IGSF22: variants seen among roughly 807,000 people sequenced by gnomAD.
IGSF22 encodes the protein immunoglobulin superfamily member 22.
A neutral mutation model predicts 127.0 loss-of-function variants in IGSF22; 119 were observed. That is an observed-to-expected ratio of 0.94 (90% CI 0.81 to 1.09). IGSF22 has a LOEUF of 1.09. Ranked by LOEUF, IGSF22 falls within the 50% of genes least tolerant of loss-of-function variation. The probability of loss-of-function intolerance (pLI) is 0.00; values close to 1 mark genes in which losing one functional copy is unlikely to be tolerated. For missense variants in IGSF22, 1,518 were observed against 1,716.6 expected, an observed-to-expected ratio of 0.88 and a Z score of 2.04; for synonymous variants, 568 against 664.7, an observed-to-expected ratio of 0.85 and a Z score of 2.24.
Position 18,715,628 on chromosome 11 carries a change from C to T in IGSF22, c.1335G>A (p.Lys445=). 1 of 1,614,098 alleles carries T rather than the reference C, an allele frequency of 6.2e-7. No homozygotes were observed. Among genetic ancestry groups the T allele is most frequent in the South Asian group, 1.1e-5 (1 of 91,084 alleles). Residue 445 remains lysine, a synonymous_variant, in exon 11 of 23, where the codon AAG becomes AAA. Transcript: ENST00000513874. ...CCTTCTTCCAGCGCAGTGTCACATC[C>T]TTGGATGTCAGCTCACACTCCAGGC... ...RACLECELTS[K]DVTLRWKKDG...
Position 18,710,750 on chromosome 11 carries a change from G to A in IGSF22, c.2477C>T (p.Thr826Ile). ...GAGCACTGGGGCTCCCCCATCCTGG[G>A]TAGGGGCATTCCACGTGATGGTCAC... ...EAVTITWNAP[T>I]QDGGAPVLGY... is the part of the protein sequence containing the mutation. The change falls in exon 16 of 23, where the codon ACC (threonine) becomes ATC (isoleucine). Residue 826 changes from threonine to isoleucine, a missense_variant. Thr to Ile is a moderately conservative substitution (Grantham distance 89). This residue lies in a region of IGSF22 where 1,456 missense variants were observed against 1,644.9 expected (regional missense o/e 0.89). Coordinates refer to ENST00000513874, the MANE Select transcript of IGSF22 (RefSeq NM_173588.4). The A allele has an allele frequency of 6.2e-7, 1 of 1,614,164 alleles. No individual in the cohort carries two copies. The highest frequency in any genetic ancestry group is 1.1e-5 in the South Asian group (1 of 91,086).
chr11:18,720,420 G>A, intron 4 of IGSF22, 135 bp from the exon 5 acceptor site: 2 of 639,130 alleles, frequency 3.1e-6, no homozygotes, highest in South Asian at 1.9e-5. Flanking sequence ...GTGGAGGATT[G>A]AGCAGCCTGT....
chr11:18,710,526 G>C, intron 16 of IGSF22, 71 bp from the exon 17 acceptor site: 2 of 1,599,644 alleles, frequency 1.3e-6, no homozygotes, highest in Non-Finnish European at 1.7e-6. Flanking sequence ...GAGAGACATA[G>C]AAGAGGAGGT....
chr11:18,724,365 G>A (rs1848619665), intron 1 of IGSF22, 96 bp from the exon 2 acceptor site: 1 of 637,870 alleles, frequency 1.6e-6, no homozygotes, highest in Non-Finnish European at 2.8e-6. Flanking sequence ...GGAGATGGAA[G>A]CACACAGGAG....
rs780993190 is a variant in IGSF22, at chr11:18,714,414, G to A, written c.1661C>T (p.Thr554Met). The A allele has an allele frequency of 8.7e-6, 14 of 1,614,018 alleles. No individual in the cohort carries two copies. Among genetic ancestry groups the A allele is most frequent in the East Asian group, 4.5e-5 (2 of 44,880 alleles). The change falls in exon 13 of 23, where the codon ACG (threonine) becomes ATG (methionine). Residue 554 changes from threonine (T) to methionine (M), a missense_variant. Coordinates refer to ENST00000513874, the MANE Select transcript of IGSF22 (RefSeq NM_173588.4). ...CACAATCTGCATGCCTGGCAAGTCCGTGATCTGGGGGTCAGGGGTGGGCCT... is the reference window on the plus strand; with the variant it reads ...CACAATCTGCATGCCTGGCAAGTCCATGATCTGGGGGTCAGGGGTGGGCCT... ...GVWLKDGKEI[T>M]DLPGMQIVKQ...
At chr11:18,723,963 C>A (rs775518567) in intron 2 of IGSF22, among the ~76,000 whole-genome samples, 165 bp downstream of exon 2, 2 of 152,236 alleles carry the variant, frequency 1.3e-5, no homozygotes, top group African/African-American at 2.4e-5. Flanking sequence ...CTGGCTGAAG[C>A]TTTAACAAAG....
rs1275705978 is a variant in IGSF22 at position 18,714,501 on chromosome 11, T to G, written c.1655A>C (p.Glu552Ala). ...VEGVWLKDGK[E>A]ITDLPGMQIV... Reference sequence around the variant, plus strand: ...CCTTCCCTGGCCTCTGCTTCAGACCTCCTTGCCATCCTTCAGCCACACACC... The same window carrying G: ...CCTTCCCTGGCCTCTGCTTCAGACCGCCTTGCCATCCTTCAGCCACACACC... Residue 552 changes from glutamate (E) to alanine (A), a missense_variant and splice_region_variant, in exon 12 of 23, where the codon GAG becomes GCG. Coordinates refer to ENST00000513874, the MANE Select transcript of IGSF22 (RefSeq NM_173588.4). 2 of 1,614,072 alleles carry G rather than the reference T, an allele frequency of 1.2e-6. No homozygotes were observed. Among genetic ancestry groups the G allele is most frequent in the East Asian group, 4.5e-5 (2 of 44,892 alleles).
At chr11:18,718,485 C>T in intron 8 of IGSF22, 130 bp downstream of exon 8, 1 of 718,800 alleles carries the variant, frequency 1.4e-6, no homozygotes, top group Non-Finnish European at 2.6e-6. Flanking sequence ...CCAATTCCAG[C>T]CTCTTTCAAC....
chr11:18,710,449 T>G lies in IGSF22; in HGVS notation c.2579A>C (p.Lys860Thr). ...CTCCAGGAGACCATCCACAGTGCAC[T>G]TGGTGCCTGAAATGGGAAGATGAGG... ...PVNKDPIQGT[K>T]CTVDGLLEDT... The change falls in exon 17 of 23, where the codon AAG becomes ACG. Residue 860 changes from lysine (K) to threonine (T), a missense_variant. Transcript: ENST00000513874. 6.2e-7 allele frequency: 1 copy of G among 1,614,066 alleles called. No homozygotes were observed. The highest frequency in any genetic ancestry group is 8.5e-7 in the Non-Finnish European group (1 of 1,180,012).
At chr11:18,707,386 G>A (rs1848261617) in intron 20 of IGSF22, 173 bp from the exon 21 acceptor site, 1 of 599,106 alleles carries the variant, frequency 1.7e-6, no homozygotes. Flanking sequence ...CTAGCCTCGT[G>A]ACCTGGGGTA....
At chr11:18,718,559 AG>A (rs1308198019) in intron 8 of IGSF22, 55 bp downstream of exon 8, 1 of 941,932 alleles carries the variant, frequency 1.1e-6, no homozygotes, top group Non-Finnish European at 1.8e-6. Flanking sequence ...CAGTGAGAGA[AG>A]GGGGTAGAGA....
rs57253324 is a variant in IGSF22 at position 18,707,820 on chromosome 11, G to T, written c.3264C>A (p.Ile1088=). 0.079 allele frequency: 126,182 copies of T among 1,598,824 alleles called. 5,757 individuals carry two copies. The highest frequency in any genetic ancestry group is 0.17 in the African/African-American group (12,448 of 74,846). Residue 1088 remains isoleucine, a synonymous_variant, in exon 20 of 23, where the codon ATC becomes ATA. Coordinates refer to ENST00000513874, the MANE Select transcript of IGSF22 (RefSeq NM_173588.4). ...TCTCCATACCTGCCACGCGCACATG[G>T]ATGTCATAGCGTGCTTCTCCAAACT... ...QNEFGEARYD[I]HVRVADFPRP...
chr11:18,716,571 G>C lies in IGSF22; in HGVS notation c.1246+157C>G, dbSNP rs531649798. ...TACCTGCCTCCCCTACTAGACTAGGGGTTAACAGAGAGGAGATCCCCCTGT... is the reference window on the plus strand; with the variant it reads ...TACCTGCCTCCCCTACTAGACTAGGCGTTAACAGAGAGGAGATCCCCCTGT... On this transcript the variant is annotated intron_variant, in intron 10 of 22. Coordinates refer to ENST00000513874, the MANE Select transcript of IGSF22 (RefSeq NM_173588.4). This position sits in a 1 kb window ranked among gnomAD's most constrained non-coding sequence, Gnocchi z 4.5. Among the ~76,000 whole-genome samples, 1 of 152,218 alleles carries C rather than the reference G, an allele frequency of 6.6e-6. No individual in the cohort carries two copies. Among genetic ancestry groups the C allele is most frequent in the Non-Finnish European group, 1.5e-5 (1 of 68,020 alleles).
intron 2 of IGSF22, among the ~76,000 whole-genome samples, chr11:18,722,308 T>TG (rs1276191429): frequency 1.3e-5 from 2 of 150,240 alleles, no homozygotes; most frequent in African/African-American, 4.9e-5. Flanking sequence ...GAGTCCTAAT[T>TG]TTTTTTTTTA....
At chr11:18,718,260 A>G (rs2134166411) in intron 8 of IGSF22, among the ~76,000 whole-genome samples, 167 bp from the exon 9 acceptor site, 1 of 152,298 alleles carries the variant, frequency 6.6e-6, no homozygotes, top group East Asian at 1.9e-4. Context: ...GTGGGATCCA[A>G]GATTCCTGCC....
chr11:18,707,268 C>T lies in IGSF22; in HGVS notation c.3281-55G>A, dbSNP rs1040557252. On this transcript the variant is annotated intron_variant, in intron 20 of 22. Coordinates refer to ENST00000513874, the MANE Select transcript of IGSF22 (RefSeq NM_173588.4). ...CTTGGGGCACCTGAAGTATTATGTC[C>T]CCACCCCAGCCATCTGCCAAGTCCG... 3.5e-6 allele frequency: 5 copies of T among 1,423,864 alleles called. No homozygotes were observed. In the African/African-American group the frequency reaches 5.7e-5, roughly 16 times the overall value. 88.2% of individuals were successfully genotyped at this position (1,423,864 alleles called of 1,614,324 possible).
chr11:18,718,201 T>G, intron 8 of IGSF22, 108 bp from the exon 9 acceptor site: 2 of 998,216 alleles, frequency 2.0e-6, no homozygotes, highest in Non-Finnish European at 1.5e-6. Context: ...TGTCCAACCC[T>G]CTAAAGACAG....
rs777985924 is a variant in IGSF22, at chr11:18,714,303, T to C, written c.1772A>G (p.Glu591Gly). ...TGCGATGAATACAGAGGCTTCACTT[T>C]CCGTGCCCTTGGCCCGGAATGTGTA... ...GKYTFRAKGTESEASVFIADP... is the reference protein window; with the variant it reads ...GKYTFRAKGTGSEASVFIADP... Residue 591 changes from glutamate (E) to glycine (G), a missense_variant, in exon 13 of 23, where the codon GAA becomes GGA. Physicochemically the swap from Glu to Gly is moderately conservative, Grantham distance 98. This residue lies in a region of IGSF22 where 1,456 missense variants were observed against 1,644.9 expected (regional missense o/e 0.89). Coordinates refer to ENST00000513874, the MANE Select transcript of IGSF22 (RefSeq NM_173588.4). 8.1e-6 allele frequency: 13 copies of C among 1,614,020 alleles called. No individual in the cohort carries two copies. The African/African-American group carries it at 1.7e-4, about 22-fold the overall frequency.
Position 18,713,913 on chromosome 11 carries a change from G to A in IGSF22, c.2034C>T (p.Ile678=), listed in dbSNP as rs1157764642. ...SNCVREDSGL[I]LLKLKNDHGS... is the part of the protein sequence containing the mutation. The stretch of plus-strand genomic sequence containing the variant: ...CGTGGTCATTCTTGAGCTTGAGCAG[G>A]ATGAGGCCGCTGTCTTCACGCACAC... The change falls in exon 14 of 23, where the codon ATC becomes ATT. Residue 678 remains isoleucine (I), a synonymous_variant. Transcript: ENST00000513874. 1 of 1,614,260 alleles carries A rather than the reference G, an allele frequency of 6.2e-7. No individual in the cohort carries two copies. Among genetic ancestry groups the A allele is most frequent in the African/African-American group, 1.3e-5 (1 of 75,080 alleles).
Sources: gnomAD v4.1 joint callset for allele counts (sites outside exome capture counted in the v4.1 genomes callset) on GRCh38, gnomAD v4.1.1 for gene constraint, gnomAD v4.1.1 regional missense constraint, Gnocchi (gnomAD v3.1) non-coding constraint, MANE v1.5 for transcripts, NCBI Gene and HGNC (gene_info 2026-07-23, HGNC 2026-07-21) for gene names.